LDB2: variants seen among roughly 807,000 people sequenced by gnomAD.
LDB2 encodes LIM domain binding 2, also known as LIM domain-binding protein 2.
LDB2 carries 12 observed loss-of-function variants against 44.3 expected under a neutral mutation model. The observed-to-expected ratio is 0.27, with a 90% CI of 0.17 to 0.44. The LOEUF (loss-of-function observed/expected upper bound fraction) is 0.44. LDB2 is among the 20% of genes least tolerant of loss of function. The pLI is 1.00. For missense variants in LDB2, 344 were observed against 473.5 expected, an observed-to-expected ratio of 0.73 and a Z score of 2.54; for synonymous variants, 164 against 174.8, an observed-to-expected ratio of 0.94 and a Z score of 0.49.
chr4:16,781,812 A>G (rs1773295658), intron 1 of LDB2, among the ~76,000 whole-genome samples: 1 of 152,204 alleles, frequency 6.6e-6, no homozygotes, highest in Admixed American at 6.5e-5. Context: ...TTCCTAATTC[A>G]ATGACTGGTG....
intron 2 of LDB2, among the ~76,000 whole-genome samples, chr4:16,731,748 G>C (rs1401306160): frequency 6.6e-6 from 1 of 152,132 alleles, no homozygotes; most frequent in South Asian, 2.1e-4. Context: ...AAAGGTCATA[G>C]AGACCTCCTC....
chr4:16,691,599 T>C (rs573001910), intron 2 of LDB2, among the ~76,000 whole-genome samples: 1 of 152,262 alleles, frequency 6.6e-6, no homozygotes, highest in African/African-American at 2.4e-5. Flanking sequence ...GGAGGAACAG[T>C]TCAGTATCTA....
chr4:16,508,651 T>A lies in LDB2; in HGVS notation c.775A>T (p.Lys259Ter). 1.9e-6 allele frequency: 3 copies of A among 1,613,874 alleles called. No homozygotes were observed. The highest frequency in any genetic ancestry group is 2.5e-6 in the Non-Finnish European group (3 of 1,179,878). Residue 259 changes from lysine to a stop codon, truncating the protein, a stop_gained, in exon 7 of 8, where the codon AAA becomes TAA. Transcript: ENST00000304523. LOFTEE classifies it high-confidence loss of function. ...GTGCTGCTGGTGGAATTTTTCCTTTTTCTCCGTTTGGTTGTTGGTTGCCTT... is the reference window on the plus strand; with the variant it reads ...GTGCTGCTGGTGGAATTTTTCCTTTATCTCCGTTTGGTTGTTGGTTGCCTT... ...PTRQPTTKRR[K>*]RKNSTSSTSN...
chr4:16,640,587 C>T (rs550872144), intron 2 of LDB2, among the ~76,000 whole-genome samples: 53 of 152,294 alleles, frequency 3.5e-4, no homozygotes, highest in African/African-American at 1.2e-3. Flanking sequence ...CAGCCAGACA[C>T]TATTAAAACT....
intron 2 of LDB2, among the ~76,000 whole-genome samples, chr4:16,677,981 T>C (rs1746759757): frequency 6.6e-6 from 1 of 152,190 alleles, no homozygotes; most frequent in Non-Finnish European, 1.5e-5. Flanking sequence ...GTGTAGACCG[T>C]CTTTCTCTGC....
chr4:16,526,962 T>C (rs951578719), intron 5 of LDB2, among the ~76,000 whole-genome samples: 5 of 152,260 alleles, frequency 3.3e-5, no homozygotes, highest in African/African-American at 9.6e-5. Flanking sequence ...AACTCTGATA[T>C]AGTTGCCATA....
intron 5 of LDB2, among the ~76,000 whole-genome samples, chr4:16,577,357 C>T (rs956720475): frequency 6.6e-6 from 1 of 152,124 alleles, no homozygotes; most frequent in Non-Finnish European, 1.5e-5. Flanking sequence ...ACTATTAGAA[C>T]TGATAAACAA....
At chr4:16,710,309 A>G (rs1755588982) in intron 2 of LDB2, among the ~76,000 whole-genome samples, 1 of 152,196 alleles carries the variant, frequency 6.6e-6, no homozygotes, top group Non-Finnish European at 1.5e-5. Context: ...ATGGCCATGA[A>G]TACATACAGT....
intron 2 of LDB2, among the ~76,000 whole-genome samples, chr4:16,618,166 C>G (rs771320127): frequency 6.6e-6 from 1 of 152,104 alleles, no homozygotes; most frequent in Non-Finnish European, 1.5e-5. Flanking sequence ...TAGACTACAC[C>G]TGGGGAGGAG....
At chr4:16,521,013 G>A in intron 5 of LDB2, among the ~76,000 whole-genome samples, 1 of 152,106 alleles carries the variant, frequency 6.6e-6, no homozygotes, top group East Asian at 1.9e-4. Context: ...TTCCAGCTCT[G>A]CATGGCAGGA....
At chr4:16,744,171 G>A (rs1763907756) in intron 2 of LDB2, among the ~76,000 whole-genome samples, 1 of 151,814 alleles carries the variant, frequency 6.6e-6, no homozygotes, top group Admixed American at 6.6e-5. Context: ...TTGTTTGTTT[G>A]TTTTAGACAC....
intron 5 of LDB2, among the ~76,000 whole-genome samples, chr4:16,585,069 G>C (rs1159823901): frequency 2.6e-5 from 4 of 152,184 alleles, no homozygotes; most frequent in Non-Finnish European, 1.5e-5. Context: ...CAGCAGTACA[G>C]AGCAGCCTTC....
intron 2 of LDB2, among the ~76,000 whole-genome samples, chr4:16,747,065 C>T (rs1305979262): frequency 3.9e-5 from 6 of 152,114 alleles, no homozygotes; most frequent in African/African-American, 1.2e-4. Flanking sequence ...TAACTAATGT[C>T]GATGAGACAA....
chr4:16,655,676 A>G (rs1042806424), intron 2 of LDB2, among the ~76,000 whole-genome samples: 2 of 152,286 alleles, frequency 1.3e-5, no homozygotes, highest in Non-Finnish European at 1.5e-5. Flanking sequence ...AAATGAACAC[A>G]TGGAGCCAGC....
At chr4:16,517,539 T>C (rs890268693) in intron 5 of LDB2, among the ~76,000 whole-genome samples, 1 of 152,120 alleles carries the variant, frequency 6.6e-6, no homozygotes, top group Non-Finnish European at 1.5e-5. Flanking sequence ...CATGCAGGCT[T>C]GCACTTTTGT....
At chr4:16,807,072 A>G (rs1778922940) in intron 1 of LDB2, among the ~76,000 whole-genome samples, 1 of 152,354 alleles carries the variant, frequency 6.6e-6, no homozygotes, top group Non-Finnish European at 1.5e-5. Flanking sequence ...CCTGGGACAC[A>G]TTGACAAGTC....
At chr4:16,518,858 T>C (rs1291251755) in intron 5 of LDB2, among the ~76,000 whole-genome samples, 2 of 152,294 alleles carry the variant, frequency 1.3e-5, no homozygotes, top group East Asian at 3.9e-4. Context: ...CCCAGTGAAA[T>C]AGTTGAGTTA....
At chr4:16,757,474 G>T (rs557154405) in intron 2 of LDB2, among the ~76,000 whole-genome samples, 1 of 152,292 alleles carries the variant, frequency 6.6e-6, no homozygotes, top group East Asian at 1.9e-4. Flanking sequence ...ATGCTGGGGT[G>T]GGATGGACAG....
chr4:16,759,347 A>T, intron 1 of LDB2, 87 bp from the exon 2 acceptor site: 1 of 979,718 alleles, frequency 1.0e-6, no homozygotes, highest in Non-Finnish European at 1.6e-6. Flanking sequence ...AGAAAAACTC[A>T]GCTGCTCCTT....
Sources: gnomAD v4.1 joint callset for allele counts (sites outside exome capture counted in the v4.1 genomes callset) on GRCh38, gnomAD v4.1.1 for gene constraint, MANE v1.5 for transcripts, NCBI Gene and HGNC (gene_info 2026-07-23, HGNC 2026-07-21) for gene names.